The following ASPH variants were observed in gnomAD, a reference collection of about 807,000 sequenced individuals.
The protein encoded by ASPH is aspartyl/asparaginyl beta-hydroxylase.
ASPH carries 100 observed loss-of-function variants against 118.4 expected under a neutral mutation model. That is an observed-to-expected ratio of 0.84 (90% CI 0.72 to 1.00). ASPH has a LOEUF of 1.00. Among genes scored for constraint, ASPH ranks in the 50% least tolerant of loss-of-function variants. ASPH has a pLI of 0.00. For synonymous variants in ASPH, 315 were observed against 325.6 expected (o/e 0.97, Z 0.35); for missense variants, 920 against 919.5 (o/e 1.00, Z -0.01).
At chr8:61,663,080 A>G in intron 3 of ASPH, 1 of 985,460 alleles carries the variant, frequency 1.0e-6, no homozygotes. Flanking sequence ...ATAAGTTTTA[A>G]AAAAACATTC....
intron 15 of ASPH, chr8:61,578,407 T>C: frequency 3.7e-6 from 6 of 1,604,136 alleles, no homozygotes; most frequent in Non-Finnish European, 5.1e-6. Flanking sequence ...ATGGGAGGCA[T>C]CACCGCAGTC....
At chr8:61,665,344 C>T (rs1228888052) in intron 3 of ASPH, 1 of 1,613,788 alleles carries the variant, frequency 6.2e-7, no homozygotes, top group South Asian at 1.1e-5. Context: ...CTCGGGATGC[C>T]ATTTTACTAG....
chr8:61,703,645 A>G (rs1465703737), intron 1 of ASPH, among the ~76,000 whole-genome samples: 1 of 152,222 alleles, frequency 6.6e-6, no homozygotes, highest in Non-Finnish European at 1.5e-5. Flanking sequence ...GAAGAAATAT[A>G]CCACTATCAT....
At position 61,684,392 on chromosome 8, in the gene ASPH, T is replaced by C. The variant is rs568422744; in HGVS notation, c.104-204A>G. The C allele has an allele frequency of 2.0e-5, 11 of 547,406 alleles. No homozygotes were observed. The East Asian group carries it at 3.0e-4, about 15-fold the overall frequency. The allele number at this position is 547,406 out of a possible 1,614,324, so 33.9% of individuals were successfully genotyped here. A position where few individuals can be genotyped will look rare whatever the true frequency, so the allele number is the denominator to read the frequency against. On this transcript the variant is annotated intron_variant, in intron 1 of 24. Transcript: ENST00000379454. The stretch of plus-strand genomic sequence containing the variant: ...TTTAGATGCAACACTAACTTTGAAG[T>C]AGTGCAGGAAATAAACTCCTGAATT...
intron 14 of ASPH, among the ~76,000 whole-genome samples, chr8:61,611,659 T>C (rs532329015): frequency 2.6e-5 from 4 of 152,326 alleles, no homozygotes; most frequent in South Asian, 4.2e-4. Flanking sequence ...GAAATTTAGA[T>C]AGTGAATCCC....
rs867915901 is a variant in ASPH, at chr8:61,578,162, C to G, written c.1063-1304G>C. The G allele has an allele frequency of 4.7e-6, 7 of 1,503,568 alleles. No homozygotes were observed. In the African/African-American group the frequency reaches 9.7e-5, roughly 21 times the overall value. The allele number at this position is 1,503,568 out of a possible 1,614,324, so 93.1% of individuals were successfully genotyped here. A position where few individuals can be genotyped will look rare whatever the true frequency, so the allele number is the denominator to read the frequency against. On this transcript the variant is annotated intron_variant, in intron 15 of 24. Coordinates refer to ENST00000379454, the MANE Select transcript of ASPH (RefSeq NM_004318.4). ...AAATTGGACCAAGAAGCAGCTTCTC[C>G]GCTCCTTCTAGGATCTCCGCCTGGT...
intron 1 of ASPH, among the ~76,000 whole-genome samples, chr8:61,709,368 G>C (rs1837523825): frequency 6.6e-6 from 1 of 152,170 alleles, no homozygotes; most frequent in Non-Finnish European, 1.5e-5. Flanking sequence ...CTGGCCTCCA[G>C]ACTATACTCC....
intron 24 of ASPH, among the ~76,000 whole-genome samples, chr8:61,507,249 T>C (rs946534295): frequency 6.6e-6 from 1 of 152,204 alleles, no homozygotes; most frequent in Non-Finnish European, 1.5e-5. Flanking sequence ...GCTTTCCAGA[T>C]ACATTAAGTA....
At chr8:61,538,024 C>T (rs1820303167) in intron 21 of ASPH, among the ~76,000 whole-genome samples, 1 of 152,150 alleles carries the variant, frequency 6.6e-6, no homozygotes, top group African/African-American at 2.4e-5. Context: ...CTAAATAGCA[C>T]ACAGGAACAT....
In ASPH at chr8:61,555,931, T is replaced by C. The variant is rs1355776825; in HGVS notation, c.1529A>G (p.Tyr510Cys). The C allele has an allele frequency of 1.2e-6, 2 of 1,613,306 alleles. No individual in the cohort carries two copies. The highest frequency in any genetic ancestry group is 2.2e-5 in the East Asian group (1 of 44,878). Residue 510 changes from tyrosine (Y) to cysteine (C), a missense_variant, in exon 19 of 25, where the codon TAT becomes TGT. Coordinates refer to ENST00000379454, the MANE Select transcript of ASPH (RefSeq NM_004318.4). The stretch of plus-strand genomic sequence containing the variant: ...AGAAGCAGTGAGCATTACCTTTAAA[T>C]ATGGGATGCTCTCAGCAATTTTGTT... Reference protein sequence around the residue: ...AQNKIAESIPYLKEGIESGDP... With the variant: ...AQNKIAESIPCLKEGIESGDP...
intron 18 of ASPH, among the ~76,000 whole-genome samples, chr8:61,556,895 C>T (rs1828068461): frequency 6.6e-6 from 1 of 152,158 alleles, no homozygotes; most frequent in African/African-American, 2.4e-5. Context: ...AATGGGGTTA[C>T]ACAGAAGGAT....
intron 15 of ASPH, chr8:61,579,366 G>T (rs1836603593): frequency 1.2e-6 from 2 of 1,614,118 alleles, no homozygotes; most frequent in Middle Eastern, 1.7e-4. Context: ...CGTCAAGCTG[G>T]CCCTGGACAT....
intron 1 of ASPH, among the ~76,000 whole-genome samples, chr8:61,702,552 C>G (rs1395697711): frequency 6.6e-6 from 1 of 152,108 alleles, no homozygotes; most frequent in Non-Finnish European, 1.5e-5. Context: ...TCCCAAAGTG[C>G]TGGGATTACA....
intron 14 of ASPH, among the ~76,000 whole-genome samples, chr8:61,595,073 C>A (rs1842160396): frequency 6.6e-6 from 1 of 152,158 alleles, no homozygotes; most frequent in African/African-American, 2.4e-5. Context: ...TTCACCAAAA[C>A]AGAGTGGATA....
intron 4 of ASPH, among the ~76,000 whole-genome samples, chr8:61,651,888 C>A (rs1358095886): frequency 1.3e-5 from 2 of 152,170 alleles, no homozygotes; most frequent in African/African-American, 4.8e-5. Context: ...TAAATATAAT[C>A]TATGTTCAGT....
chr8:61,713,927 T>C (rs1331287293), intron 1 of ASPH, among the ~76,000 whole-genome samples: 1 of 152,112 alleles, frequency 6.6e-6, no homozygotes, highest in Non-Finnish European at 1.5e-5. Context: ...AGGCAAACGA[T>C]AAATTGTTCT....
chr8:61,546,383 C>A (rs1382921952), intron 21 of ASPH, among the ~76,000 whole-genome samples: 9 of 152,100 alleles, frequency 5.9e-5, no homozygotes. Context: ...ACAAAGAGAT[C>A]ATGAATAAAA....
chr8:61,604,753 T>C (rs941452962), intron 14 of ASPH, among the ~76,000 whole-genome samples: 1 of 152,206 alleles, frequency 6.6e-6, no homozygotes. Context: ...ATGAAAACTA[T>C]TTATACAGTA....
chr8:61,619,927 C>G (rs2150511542), intron 13 of ASPH, among the ~76,000 whole-genome samples: 1 of 152,290 alleles, frequency 6.6e-6, no homozygotes, highest in African/African-American at 2.4e-5. Context: ...AAACCAGACT[C>G]TGTCCTCTCC....
Sources: gnomAD v4.1 joint callset for allele counts (sites outside exome capture counted in the v4.1 genomes callset) on GRCh38, gnomAD v4.1.1 for gene constraint, MANE v1.5 for transcripts, NCBI Gene and HGNC (gene_info 2026-07-23, HGNC 2026-07-21) for gene names.